Variants in AHI1 observed in about 807,000 individuals in gnomAD.
AHI1 encodes jouberin.
In AHI1, 123 loss-of-function variants were observed where a neutral mutation model predicts 149.3. The ratio of observed to expected loss-of-function variants is 0.82; its 90% CI spans 0.71 to 0.96. AHI1 has a LOEUF of 0.96. Ranked by LOEUF, AHI1 falls within the 40% of genes least tolerant of loss-of-function variation. The pLI is 0.00. For synonymous variants in AHI1, 475 were observed against 459.8 expected, an observed-to-expected ratio of 1.03 and a Z score of -0.42; for missense variants, 1,439 against 1,422.7, an observed-to-expected ratio of 1.01 and a Z score of -0.18.
intron 26 of AHI1, among the ~76,000 whole-genome samples, chr6:135,309,998 TA>T (rs538791580): frequency 6.6e-6 from 1 of 152,052 alleles, no homozygotes; most frequent in Admixed American, 6.5e-5. Context: ...ATTACTAAAG[TA>T]AAAAAATACA....
chr6:135,328,158 G>A (rs1413461041), intron 24 of AHI1, among the ~76,000 whole-genome samples: 1 of 152,124 alleles, frequency 6.6e-6, no homozygotes, highest in African/African-American at 2.4e-5. Flanking sequence ...TCAAGTAGAG[G>A]GTACTAGAAT....
intron 21 of AHI1, among the ~76,000 whole-genome samples, chr6:135,409,854 G>A (rs1317254225): frequency 1.3e-5 from 2 of 152,114 alleles, no homozygotes; most frequent in African/African-American, 2.4e-5. Flanking sequence ...GCACAGGAAG[G>A]CCTTTTGTAT....
chr6:135,329,220 A>G (rs1388355819), intron 24 of AHI1, among the ~76,000 whole-genome samples: 1 of 152,216 alleles, frequency 6.6e-6, no homozygotes, highest in Admixed American at 6.5e-5. Context: ...TGGAGATTTA[A>G]ACAGACTTAT....
In AHI1 at chr6:135,284,235, G is replaced by A. The variant is rs750150634; in HGVS notation, c.*1410C>T. 1 of 152,060 alleles carries A rather than the reference G, an allele frequency of 6.6e-6. No homozygotes were observed. The highest frequency in any genetic ancestry group is 2.4e-5 in the African/African-American group (1 of 41,376). 9.4% of individuals were successfully genotyped at this position (152,060 alleles called of 1,614,324 possible). A position where few individuals can be genotyped will look rare whatever the true frequency, so the allele number is the denominator to read the frequency against. Reference sequence around the variant, plus strand: ...CCTTTTTTTTAAAGTTCTACACAGCGGGACATGTTTACCAATTTTTATGCC... The same window carrying A: ...CCTTTTTTTTAAAGTTCTACACAGCAGGACATGTTTACCAATTTTTATGCC... On this transcript the variant is annotated 3_prime_UTR_variant, in exon 29 of 29. Coordinates refer to ENST00000265602, the MANE Select transcript of AHI1 (RefSeq NM_001134831.2).
intron 27 of AHI1, 103 bp downstream of exon 27, chr6:135,300,397 C>A: frequency 1.3e-5 from 14 of 1,080,636 alleles, no homozygotes; most frequent in East Asian, 6.5e-5. Flanking sequence ...TGAAATTTAA[C>A]TTATAGTTTG....
chr6:135,366,288 A>T (rs1420863808), intron 23 of AHI1, among the ~76,000 whole-genome samples: 1 of 151,558 alleles, frequency 6.6e-6, no homozygotes, highest in African/African-American at 2.4e-5. Context: ...TATTACGGTG[A>T]TACGGGATTC....
intron 24 of AHI1, among the ~76,000 whole-genome samples, chr6:135,353,001 A>G (rs1464563348): frequency 1.3e-5 from 2 of 151,964 alleles, no homozygotes; most frequent in African/African-American, 4.8e-5. Context: ...TCAGGTAGAA[A>G]AATTTAGCAA....
chr6:135,332,190 C>G (rs1467468995), intron 24 of AHI1, among the ~76,000 whole-genome samples: 4 of 152,012 alleles, frequency 2.6e-5, no homozygotes, highest in Non-Finnish European at 4.4e-5. Context: ...CTGCCTCAGC[C>G]TCCTGAGTAG....
chr6:135,310,283 C>T (rs1337628842), intron 26 of AHI1, among the ~76,000 whole-genome samples: 1 of 151,962 alleles, frequency 6.6e-6, no homozygotes, highest in Non-Finnish European at 1.5e-5. Context: ...AAGTGTTATA[C>T]AGCACAATTA....
At chr6:135,456,605 C>T (rs1011956054) in intron 9 of AHI1, among the ~76,000 whole-genome samples, 2 of 151,774 alleles carry the variant, frequency 1.3e-5, no homozygotes, top group Admixed American at 6.6e-5. Flanking sequence ...GACTGTAAAC[C>T]CTTTGAGTTG....
In AHI1 at chr6:135,490,659, C is replaced by T. The variant is rs185605430; in HGVS notation, c.99G>A (p.Leu33=). Residue 33 remains leucine, a synonymous_variant, in exon 5 of 29, where the codon CTG becomes CTA. Transcript: ENST00000265602. Reference sequence around the variant, plus strand: ...CTTCAGACCTGACAAGTTTTTTCTTCAGTTTTTTCTTTTCACGCATTAGAT... The same window carrying T: ...CTTCAGACCTGACAAGTTTTTTCTTTAGTTTTTTCTTTTCACGCATTAGAT... ...HSDLMREKKK[L]KKKLVRSEEN... 1 of 1,613,554 alleles carries T rather than the reference C, an allele frequency of 6.2e-7. No individual in the cohort carries two copies. Among genetic ancestry groups the T allele is most frequent in the Non-Finnish European group, 8.5e-7 (1 of 1,179,662 alleles).
intron 27 of AHI1, among the ~76,000 whole-genome samples, chr6:135,296,752 C>T (rs1348751634): frequency 6.6e-6 from 1 of 152,150 alleles, no homozygotes; most frequent in Non-Finnish European, 1.5e-5. Context: ...AGACATTTTA[C>T]TTATTTTGCA....
chr6:135,368,403 A>G lies in AHI1; in HGVS notation c.3110-10216T>C, dbSNP rs58972282. ...ACAAGCTTGCCCTAGGGTCACCTGG[A>G]TAAGTATTCAGGTTTCTTAGGTGGT... On this transcript the variant is annotated intron_variant, in intron 23 of 28. Coordinates refer to ENST00000265602, the MANE Select transcript of AHI1 (RefSeq NM_001134831.2). 2.4e-3 allele frequency among the ~76,000 whole-genome samples: 365 copies of G among 152,222 alleles called. 1 individual carries two copies. The highest frequency in any genetic ancestry group is 8.2e-3 in the African/African-American group (339 of 41,512).
At chr6:135,427,646 C>T (rs1784092661) in intron 19 of AHI1, among the ~76,000 whole-genome samples, 1 of 151,482 alleles carries the variant, frequency 6.6e-6, no homozygotes, top group African/African-American at 2.4e-5. Flanking sequence ...ACAGAGAACT[C>T]TGGGTAGAAC....
intron 16 of AHI1, among the ~76,000 whole-genome samples, chr6:135,432,160 C>T (rs1784755543): frequency 6.6e-6 from 1 of 152,050 alleles, no homozygotes; most frequent in Non-Finnish European, 1.5e-5. Context: ...AATTTATTAA[C>T]ATCCCTACAG....
At chr6:135,307,688 T>C (rs924467723) in intron 26 of AHI1, among the ~76,000 whole-genome samples, 8 of 151,244 alleles carry the variant, frequency 5.3e-5, no homozygotes, top group Non-Finnish European at 1.0e-4. Context: ...ATTTATAATA[T>C]GTAATTCCTT....
intron 21 of AHI1, among the ~76,000 whole-genome samples, chr6:135,408,066 TC>T (rs1781057538): frequency 2.0e-5 from 3 of 152,202 alleles, no homozygotes; most frequent in Admixed American, 2.0e-4. Flanking sequence ...ATTTTATTTT[TC>T]CTTTACATCT....
At chr6:135,440,941 A>C (rs1023981279) in intron 14 of AHI1, among the ~76,000 whole-genome samples, 3 of 152,146 alleles carry the variant, frequency 2.0e-5, no homozygotes, top group Admixed American at 2.0e-4. Context: ...AAAAAACAGG[A>C]AAGAGTGGCC....
intron 28 of AHI1, among the ~76,000 whole-genome samples, chr6:135,289,878 G>A (rs1782125336): frequency 1.3e-5 from 2 of 151,620 alleles, no homozygotes; most frequent in Admixed American, 1.3e-4. Flanking sequence ...TAGAGAAAAG[G>A]CCTTCTGGCA....
Sources: allele counts gnomAD v4.1 joint callset (sites outside exome capture counted in the v4.1 genomes callset), GRCh38; gene constraint gnomAD v4.1.1; transcripts MANE v1.5; gene names NCBI Gene and HGNC (gene_info 2026-07-23, HGNC 2026-07-21).